JMJD1C: variants seen among roughly 807,000 people sequenced by gnomAD.
The protein encoded by JMJD1C is jumonji domain containing 1C.
JMJD1C carries 31 observed loss-of-function variants against 245.3 expected under a neutral mutation model. The observed-to-expected ratio is 0.13, with a 90% CI of 0.09 to 0.17. The LOEUF is 0.17. Among genes scored for constraint, JMJD1C ranks in the 10% least tolerant of loss-of-function variants. JMJD1C has a pLI of 1.00. For missense variants in JMJD1C, 2,691 were observed against 3,000.2 expected, an observed-to-expected ratio of 0.90 and a Z score of 2.41; for synonymous variants, 1,057 against 1,017.4, an observed-to-expected ratio of 1.04 and a Z score of -0.74.
chr10:63,516,121 G>C (rs907573022), intron 1 of JMJD1C, among the ~76,000 whole-genome samples: 1 of 129,846 alleles, frequency 7.7e-6, no homozygotes, highest in African/African-American at 2.6e-5. Flanking sequence ...ATGGCTGGCT[G>C]GTTGTCACAT....
chr10:63,367,125 A>G (rs1424293896), intron 2 of JMJD1C, among the ~76,000 whole-genome samples: 1 of 152,234 alleles, frequency 6.6e-6, no homozygotes, highest in Non-Finnish European at 1.5e-5. Context: ...GCCAAAACAA[A>G]GGTCACACTG....
At chr10:63,377,376 A>C (rs1215883840) in intron 2 of JMJD1C, among the ~76,000 whole-genome samples, 1 of 152,200 alleles carries the variant, frequency 6.6e-6, no homozygotes, top group East Asian at 1.9e-4. Context: ...GTGTACTCAA[A>C]AACAGTTAAA....
intron 8 of JMJD1C, among the ~76,000 whole-genome samples, chr10:63,213,105 G>C (rs1036149365): frequency 6.0e-5 from 9 of 149,194 alleles, no homozygotes; most frequent in Non-Finnish European, 1.0e-4. Context: ...AGAATTGCTT[G>C]AACCTGGGAG....
Position 63,296,015 on chromosome 10 carries a change from T to C in JMJD1C, c.334-31251A>G, listed in dbSNP as rs191808107. Among the ~76,000 whole-genome samples, 6 of 110,812 alleles carry C rather than the reference T, an allele frequency of 5.4e-5. 1 individual carries two copies. Among genetic ancestry groups the C allele is most frequent in the Non-Finnish European group, 1.1e-4 (6 of 53,250 alleles). The allele number at this position is 110,812 out of a possible 152,430, so 72.7% of individuals were successfully genotyped here. On this transcript the variant is annotated intron_variant, in intron 2 of 25. Transcript: ENST00000399262. The stretch of plus-strand genomic sequence containing the variant: ...TGTGTGTGTGTGTGTATATATATAT[T>C]TTTTTTTTTTTCTTAGATGGAGTTT...
intron 10 of JMJD1C, among the ~76,000 whole-genome samples, chr10:63,201,747 T>C (rs1043514652): frequency 6.6e-6 from 1 of 151,034 alleles, no homozygotes; most frequent in Non-Finnish European, 1.5e-5. Flanking sequence ...CTGACCAACA[T>C]GGTGAAATCC....
chr10:63,228,669 A>G (rs1849603200), intron 3 of JMJD1C, among the ~76,000 whole-genome samples: 1 of 152,226 alleles, frequency 6.6e-6, no homozygotes, highest in African/African-American at 2.4e-5. Context: ...ATCAAATACA[A>G]TTTTAAATAT....
intron 2 of JMJD1C, among the ~76,000 whole-genome samples, chr10:63,296,026 T>TTC (rs1491140598): frequency 2.2e-5 from 3 of 133,472 alleles, no homozygotes; most frequent in African/African-American, 8.3e-5. Context: ...TTTTTTTTTT[T>TTC]CTTAGATGGA....
intron 1 of JMJD1C, among the ~76,000 whole-genome samples, chr10:63,396,806 A>C (rs1437754850): frequency 6.6e-6 from 1 of 152,076 alleles, no homozygotes; most frequent in East Asian, 1.9e-4. Context: ...CAGCAAAAAA[A>C]AAAAGTATAA....
intron 2 of JMJD1C, among the ~76,000 whole-genome samples, chr10:63,327,946 A>C (rs1461541857): frequency 6.6e-6 from 1 of 152,020 alleles, no homozygotes; most frequent in Non-Finnish European, 1.5e-5. Flanking sequence ...CTGGGATTAC[A>C]GGTGTGAGCC....
At chr10:63,358,262 G>T (rs1374033061) in intron 2 of JMJD1C, among the ~76,000 whole-genome samples, 2 of 152,006 alleles carry the variant, frequency 1.3e-5, no homozygotes, top group African/African-American at 2.4e-5. Context: ...TAAGAAATAG[G>T]CAAAACCAGA....
At chr10:63,314,957 T>A (rs10399973) in intron 2 of JMJD1C, among the ~76,000 whole-genome samples, 7,439 of 35,254 alleles carry the variant, frequency 0.21, 358 homozygotes, top group African/African-American at 0.47. Context: ...GCCTTTTTTG[T>A]TTTTTTTTTT....
intron 2 of JMJD1C, among the ~76,000 whole-genome samples, chr10:63,336,695 C>T (rs1379093375): frequency 6.6e-6 from 1 of 152,174 alleles, no homozygotes; most frequent in Non-Finnish European, 1.5e-5. Context: ...GTTATGGCTG[C>T]TTGGTTTCAC....
chr10:63,425,649 T>C (rs1950396871), intron 1 of JMJD1C, among the ~76,000 whole-genome samples: 1 of 152,002 alleles, frequency 6.6e-6, no homozygotes, highest in Non-Finnish European at 1.5e-5. Context: ...CAGGCATGGT[T>C]GTGCACACCT....
At chr10:63,172,206 C>T (rs1204804935) in intron 24 of JMJD1C, among the ~76,000 whole-genome samples, 1 of 152,178 alleles carries the variant, frequency 6.6e-6, no homozygotes, top group Non-Finnish European at 1.5e-5. Flanking sequence ...TTAGATATAA[C>T]ATTTTTTATA....
At chr10:63,262,643 C>G (rs1322106505) in intron 3 of JMJD1C, among the ~76,000 whole-genome samples, 1 of 152,140 alleles carries the variant, frequency 6.6e-6, no homozygotes, top group Admixed American at 6.6e-5. Context: ...GTTAAAATGT[C>G]AAGTCAATCA....
intron 1 of JMJD1C, among the ~76,000 whole-genome samples, chr10:63,387,741 T>C (rs1227033444): frequency 7.1e-6 from 1 of 140,644 alleles, no homozygotes; most frequent in Non-Finnish European, 1.5e-5. Context: ...GTTCCTGCCA[T>C]TCTCCTGCCT....
At chr10:63,378,548 T>C (rs1331429840) in intron 2 of JMJD1C, among the ~76,000 whole-genome samples, 1 of 151,924 alleles carries the variant, frequency 6.6e-6, no homozygotes, top group Non-Finnish European at 1.5e-5. Context: ...GCCGAGATCA[T>C]GCCACTGCAC....
intron 1 of JMJD1C, among the ~76,000 whole-genome samples, chr10:63,418,225 T>C (rs1349612967): frequency 1.3e-5 from 2 of 152,148 alleles, no homozygotes; most frequent in African/African-American, 2.4e-5. Flanking sequence ...ATCAGATAAT[T>C]TGCATTTCAA....
chr10:63,239,090 A>C (rs1035442652), intron 3 of JMJD1C, among the ~76,000 whole-genome samples: 1 of 152,208 alleles, frequency 6.6e-6, no homozygotes, highest in African/African-American at 2.4e-5. Flanking sequence ...AAAAGTATGA[A>C]ACCAAGGTTT....
Sources: gnomAD v4.1 joint callset for allele counts (sites outside exome capture counted in the v4.1 genomes callset) on GRCh38, gnomAD v4.1.1 for gene constraint, MANE v1.5 for transcripts, NCBI Gene and HGNC (gene_info 2026-07-23, HGNC 2026-07-21) for gene names.